DLGAP2: variants seen among roughly 807,000 people sequenced by gnomAD.
The protein encoded by DLGAP2 is disks large-associated protein 2.
DLGAP2 carries 26 observed loss-of-function variants against 100.3 expected under a neutral mutation model. The ratio of observed to expected loss-of-function variants is 0.26; its 90% confidence interval spans 0.19 to 0.36. DLGAP2 has a LOEUF of 0.36. DLGAP2 is among the 10% of genes least tolerant of loss of function. The probability of loss-of-function intolerance (pLI) is 1.00; values close to 1 mark genes in which losing one functional copy is unlikely to be tolerated. For missense variants in DLGAP2, 1,858 were observed against 1,453.2 expected, an observed-to-expected ratio of 1.28 and a Z score of -4.53; for synonymous variants, 886 against 630.1, an observed-to-expected ratio of 1.41 and a Z score of -6.08.
At chr8:1,629,977 A>G (rs1314874159) in intron 7 of DLGAP2, among the ~76,000 whole-genome samples, 1 of 152,206 alleles carries the variant, frequency 6.6e-6, no homozygotes, top group Non-Finnish European at 1.5e-5. Flanking sequence ...ATTTTCTCAC[A>G]TCTTTGTCTA....
Position 853,109 on chromosome 8 carries a change from G to GGT in DLGAP2, c.19-54796_19-54795dup, listed in dbSNP as rs920135017. On this transcript the variant is annotated intron_variant, in intron 1 of 14. Coordinates refer to ENST00000637795, the MANE Select transcript of DLGAP2 (RefSeq NM_001346810.2). The stretch of plus-strand genomic sequence containing the variant: ...GAGTATGAGTCTAACATTGCACTTA[G>GGT]GTGTGTGTTGGGGTCCCCAAGAGTA... 1.4e-4 allele frequency among the ~76,000 whole-genome samples: 21 copies of GGT among 152,208 alleles called. 1 individual carries two copies. The highest frequency in any genetic ancestry group is 5.1e-4 in the African/African-American group (21 of 41,450).
chr8:1,076,041 G>C (rs936452279), intron 2 of DLGAP2, among the ~76,000 whole-genome samples: 3 of 152,200 alleles, frequency 2.0e-5, no homozygotes, highest in African/African-American at 7.2e-5. Context: ...CTCTCAAAGA[G>C]AAAGAGGAAT....
intron 3 of DLGAP2, among the ~76,000 whole-genome samples, chr8:1,277,535 A>G (rs1444740464): frequency 2.6e-5 from 4 of 152,208 alleles, no homozygotes; most frequent in Non-Finnish European, 1.5e-5. Context: ...GAAACAGATG[A>G]TTCTTGAGCT....
intron 1 of DLGAP2, among the ~76,000 whole-genome samples, chr8:762,895 C>G (rs574548450): frequency 1.3e-5 from 2 of 152,118 alleles, no homozygotes; most frequent in Admixed American, 6.5e-5. Flanking sequence ...TCAGGCTGGT[C>G]TCCTACTCCT....
At chr8:1,278,179 C>T (rs1799743758) in intron 3 of DLGAP2, among the ~76,000 whole-genome samples, 1 of 152,196 alleles carries the variant, frequency 6.6e-6, no homozygotes, top group African/African-American at 2.4e-5. Flanking sequence ...AGCTCTTTCT[C>T]CTCCACCAAA....
chr8:845,468 G>T (rs1008256281), intron 1 of DLGAP2, among the ~76,000 whole-genome samples: 3 of 152,134 alleles, frequency 2.0e-5, no homozygotes, highest in Admixed American at 2.0e-4. Flanking sequence ...TCTCCTTTGG[G>T]AGAAATATCT....
chr8:1,218,559 G>C (rs772123783), intron 2 of DLGAP2, among the ~76,000 whole-genome samples: 2 of 151,790 alleles, frequency 1.3e-5, no homozygotes, highest in Non-Finnish European at 2.9e-5. Flanking sequence ...GTTTGAAGTT[G>C]AGTAATGTGA....
intron 3 of DLGAP2, among the ~76,000 whole-genome samples, chr8:1,332,333 T>A (rs549973435): frequency 1.3e-5 from 2 of 152,204 alleles, no homozygotes; most frequent in Non-Finnish European, 2.9e-5. Flanking sequence ...CGAGGGTATA[T>A]GCATGTATTG....
At chr8:1,182,643 T>C (rs910329189) in intron 2 of DLGAP2, among the ~76,000 whole-genome samples, 1 of 152,240 alleles carries the variant, frequency 6.6e-6, no homozygotes, top group Non-Finnish European at 1.5e-5. Context: ...TGTCCTTCTG[T>C]GACCTCTGCG....
At chr8:1,108,552 T>G (rs1157748324) in intron 2 of DLGAP2, among the ~76,000 whole-genome samples, 1 of 149,006 alleles carries the variant, frequency 6.7e-6, no homozygotes, top group Admixed American at 6.7e-5. Flanking sequence ...CATGTGCCTA[T>G]GAAGTGTGCT....
At chr8:1,542,643 G>A (rs1041794432) in intron 4 of DLGAP2, among the ~76,000 whole-genome samples, 11 of 152,008 alleles carry the variant, frequency 7.2e-5, no homozygotes, top group South Asian at 2.1e-4. Flanking sequence ...TTCATCCGTC[G>A]GGCAGCATTG....
intron 9 of DLGAP2, 49 bp downstream of exon 9, chr8:1,668,727 C>A: frequency 6.9e-7 from 1 of 1,453,898 alleles, no homozygotes; most frequent in Non-Finnish European, 9.1e-7. Context: ...TCAGTCCTGC[C>A]AATAGCCTAG....
intron 4 of DLGAP2, among the ~76,000 whole-genome samples, chr8:1,538,734 C>T (rs1251819663): frequency 2.0e-5 from 3 of 152,118 alleles, no homozygotes; most frequent in Non-Finnish European, 4.4e-5. Flanking sequence ...GGCAAAGCCC[C>T]AGGGTGCAGC....
intron 3 of DLGAP2, among the ~76,000 whole-genome samples, chr8:1,431,818 C>G (rs997606042): frequency 2.6e-5 from 4 of 152,228 alleles, no homozygotes; most frequent in Non-Finnish European, 5.9e-5. Flanking sequence ...AGGGACTCTT[C>G]TGATGCCTCC....
intron 3 of DLGAP2, among the ~76,000 whole-genome samples, chr8:1,333,480 T>A (rs181912640): frequency 6.6e-6 from 1 of 152,130 alleles, no homozygotes; most frequent in East Asian, 1.9e-4. Context: ...TAAATAGCGA[T>A]GTTTTGTGAG....
chr8:1,673,711 T>C (rs1400224376), intron 10 of DLGAP2, among the ~76,000 whole-genome samples: 1 of 152,232 alleles, frequency 6.6e-6, no homozygotes, highest in African/African-American at 2.4e-5. Context: ...GGGTGTCCCC[T>C]CTTTGAAACA....
At chr8:1,129,173 AG>A (rs1796234200) in intron 2 of DLGAP2, among the ~76,000 whole-genome samples, 1 of 152,188 alleles carries the variant, frequency 6.6e-6, no homozygotes, top group Non-Finnish European at 1.5e-5. Context: ...TGGGAGGCCA[AG>A]GTGGGTGGAT....
chr8:1,681,915 T>C (rs1389292124), intron 12 of DLGAP2, among the ~76,000 whole-genome samples: 1 of 147,174 alleles, frequency 6.8e-6, no homozygotes, highest in Non-Finnish European at 1.5e-5. Flanking sequence ...GGACTGGGAG[T>C]CACGGCCCTC....
intron 3 of DLGAP2, among the ~76,000 whole-genome samples, chr8:1,337,083 G>C (rs1563091038): frequency 6.6e-6 from 1 of 152,120 alleles, no homozygotes; most frequent in Non-Finnish European, 1.5e-5. Flanking sequence ...TGAGAAGATA[G>C]AGAGGAGGAG....
Sources: gnomAD v4.1 joint callset for allele counts (sites outside exome capture counted in the v4.1 genomes callset) on GRCh38, gnomAD v4.1.1 for gene constraint, MANE v1.5 for transcripts, NCBI Gene and HGNC (gene_info 2026-07-23, HGNC 2026-07-21) for gene names.